MECOM: variants seen among roughly 807,000 people sequenced by gnomAD.
MECOM encodes histone-lysine N-methyltransferase MECOM.
Under a neutral mutation model 116.3 loss-of-function variants are expected in MECOM, and 13 were observed. The ratio of observed to expected loss-of-function variants is 0.11; its 90% CI spans 0.07 to 0.18. The LOEUF (loss-of-function observed/expected upper bound fraction) is 0.18, where lower values mean the gene tolerates loss of function less well. Among genes scored for constraint, MECOM ranks in the 10% least tolerant of loss-of-function variants. The pLI is 1.00. For missense variants in MECOM, 1,299 were observed against 1,509.0 expected (o/e 0.86, Z 2.31); for synonymous variants, 528 against 535.2 (o/e 0.99, Z 0.19).
chr3:169,193,424 G>A (rs1427655916), intron 2 of MECOM, among the ~76,000 whole-genome samples: 1 of 151,832 alleles, frequency 6.6e-6, no homozygotes, highest in Non-Finnish European at 1.5e-5. Flanking sequence ...ATGGGCCAAT[G>A]GCTGTCTTTC....
At chr3:169,271,664 G>A (rs1419945071) in intron 2 of MECOM, among the ~76,000 whole-genome samples, 1 of 152,066 alleles carries the variant, frequency 6.6e-6, no homozygotes, top group African/African-American at 2.4e-5. Flanking sequence ...TGTAAATGAC[G>A]AGTTGATGGG....
At chr3:169,320,581 G>A (rs897492400) in intron 2 of MECOM, among the ~76,000 whole-genome samples, 5 of 152,168 alleles carry the variant, frequency 3.3e-5, no homozygotes, top group African/African-American at 1.2e-4. Context: ...GATTATCATG[G>A]TATAAGAGGA....
At chr3:169,378,402 A>AAAG (rs1731456599) in intron 2 of MECOM, among the ~76,000 whole-genome samples, 1 of 49,112 alleles carries the variant, frequency 2.0e-5, no homozygotes, top group Non-Finnish European at 3.4e-5. Flanking sequence ...AGAAAGAAAG[A>AAAG]AAGAAAGAAA....
rs1737291462 is a variant in MECOM at position 169,410,013 on chromosome 3, C to A, written c.38-28489G>T. Among the ~76,000 whole-genome samples, 5 of 152,278 alleles carry A rather than the reference C, an allele frequency of 3.3e-5. No homozygotes were observed. The South Asian group carries it at 8.3e-4, about 25-fold the overall frequency. The stretch of plus-strand genomic sequence containing the variant: ...AATACTATGGCTACAAAAATGAAAT[C>A]TGAGGCCTAATTTGCCTTATAATTC... On this transcript the variant is annotated intron_variant, in intron 1 of 16. Coordinates refer to ENST00000651503, the MANE Select transcript of MECOM (RefSeq NM_004991.4).
chr3:169,309,734 T>C (rs546191201), intron 2 of MECOM, among the ~76,000 whole-genome samples: 135 of 152,302 alleles, frequency 8.9e-4, no homozygotes, highest in Non-Finnish European at 1.0e-3. Context: ...GTGTAAGAGA[T>C]AAAGCACTAA....
intron 1 of MECOM, among the ~76,000 whole-genome samples, chr3:169,530,459 A>G (rs773645366): frequency 2.0e-5 from 3 of 152,174 alleles, no homozygotes; most frequent in Non-Finnish European, 4.4e-5. Flanking sequence ...AGGTGAACTG[A>G]CAGAGCTGGT....
intron 10 of MECOM, among the ~76,000 whole-genome samples, chr3:169,102,938 C>G (rs11718015): frequency 0.25 from 38,180 of 151,296 alleles, 5,018 homozygotes; most frequent in Non-Finnish European, 0.28. Context: ...CCTTGTAAGA[C>G]AGGGGGAGCA....
chr3:169,491,310 T>C lies in MECOM; in HGVS notation c.38-109786A>G, dbSNP rs150072800. ...GTAGATCCACCCAGGGCAAATGTCC[T>C]AACCAAAAGGCCTGGAGTTTCCTCC... On this transcript the variant is annotated intron_variant, in intron 1 of 16. Transcript: ENST00000651503. Among the ~76,000 whole-genome samples, 536 of 152,276 alleles carry C rather than the reference T, an allele frequency of 3.5e-3. 1 individual carries two copies. The highest frequency in any genetic ancestry group is 6.1e-3 in the Non-Finnish European group (413 of 68,020).
intron 1 of MECOM, among the ~76,000 whole-genome samples, chr3:169,571,397 A>G (rs7640388): frequency 0.22 from 33,472 of 152,122 alleles, 4,708 homozygotes; most frequent in East Asian, 0.7. Flanking sequence ...AATTACTATC[A>G]TGAAAATGGC....
chr3:169,595,227 T>C (rs1402235561), intron 1 of MECOM, among the ~76,000 whole-genome samples: 1 of 152,178 alleles, frequency 6.6e-6, no homozygotes, highest in Non-Finnish European at 1.5e-5. Flanking sequence ...GATTTAATGT[T>C]ACAAATTACC....
chr3:169,418,309 C>A (rs1739077160), intron 1 of MECOM, among the ~76,000 whole-genome samples: 1 of 152,046 alleles, frequency 6.6e-6, no homozygotes, highest in Admixed American at 6.5e-5. Flanking sequence ...CAGCTGAATT[C>A]TACCAGAGGT....
chr3:169,151,050 A>G (rs1396115406), intron 2 of MECOM, among the ~76,000 whole-genome samples: 1 of 152,234 alleles, frequency 6.6e-6, no homozygotes, highest in African/African-American at 2.4e-5. Flanking sequence ...GTAAGAAGTT[A>G]GTGCTCCAGT....
chr3:169,425,123 C>T (rs905226714), intron 1 of MECOM, among the ~76,000 whole-genome samples: 11 of 147,024 alleles, frequency 7.5e-5, no homozygotes, highest in African/African-American at 2.7e-4. Flanking sequence ...GCATGTGCCT[C>T]AGATAACCAG....
intron 1 of MECOM, chr3:169,483,818 T>G: frequency 6.2e-7 from 1 of 1,611,968 alleles, no homozygotes; most frequent in Non-Finnish European, 8.5e-7. Flanking sequence ...TCAAATACCT[T>G]TTGGAGAAAG....
At chr3:169,125,403 T>C (rs1450247299) in intron 5 of MECOM, among the ~76,000 whole-genome samples, 1 of 152,128 alleles carries the variant, frequency 6.6e-6, no homozygotes. Flanking sequence ...TACTATGCTA[T>C]ATATCAAATC....
rs888455258 is a variant in MECOM at position 169,083,727 on chromosome 3, G to A, written c.*1182C>T. On this transcript the variant is annotated 3_prime_UTR_variant, in exon 17 of 17. Transcript: ENST00000651503. ...TACTTCTCTCTTTTAACATAAGGTT[G>A]GGAACACTTCATTTTACAAATAGGA... The A allele has an allele frequency of 1.9e-5, 4 of 206,764 alleles. No homozygotes were observed. Among genetic ancestry groups the A allele is most frequent in the African/African-American group, 6.8e-5 (3 of 43,978 alleles). The allele number at this position is 206,764 out of a possible 1,614,324, so 12.8% of individuals were successfully genotyped here. A position where few individuals can be genotyped will look rare whatever the true frequency, so the allele number is the denominator to read the frequency against.
intron 2 of MECOM, among the ~76,000 whole-genome samples, chr3:169,259,550 C>A (rs1757282313): frequency 6.6e-6 from 1 of 152,008 alleles, no homozygotes; most frequent in South Asian, 2.1e-4. Flanking sequence ...TAGCAAGACC[C>A]CATCTCTAAA....
At position 169,183,404 on chromosome 3, in the gene MECOM, T is replaced by C. The variant is rs539045829; in HGVS notation, c.376-39572A>G. The stretch of plus-strand genomic sequence containing the variant: ...TTTTAATCTAATGCACACTTTACTA[T>C]TGTAAGAATCTCCTTCAGATCCCTA... On this transcript the variant is annotated intron_variant, in intron 2 of 16. Coordinates refer to ENST00000651503, the MANE Select transcript of MECOM (RefSeq NM_004991.4). 3.1e-4 allele frequency among the ~76,000 whole-genome samples: 47 copies of C among 152,328 alleles called. 1 individual carries two copies. The highest frequency in any genetic ancestry group is 6.2e-4 in the South Asian group (3 of 4,818).
chr3:169,309,522 G>T (rs1016523633), intron 2 of MECOM, among the ~76,000 whole-genome samples: 1 of 152,256 alleles, frequency 6.6e-6, no homozygotes, highest in Middle Eastern at 3.4e-3. Context: ...AAAGCTGTGG[G>T]ATGTAACCTT....
Sources: gnomAD v4.1 joint callset for allele counts (sites outside exome capture counted in the v4.1 genomes callset) on GRCh38, gnomAD v4.1.1 for gene constraint, MANE v1.5 for transcripts, NCBI Gene and HGNC (gene_info 2026-07-23, HGNC 2026-07-21) for gene names.